ZNF888: variants seen among roughly 807,000 people sequenced by gnomAD.
ZNF888 encodes the protein CTD-2331H12.6.
ZNF888 carries 5 observed loss-of-function variants against 7.2 expected under a neutral mutation model. That is an observed-to-expected ratio of 0.70 (90% CI 0.36 to 1.46). The LOEUF is 1.46. Among genes scored for constraint, ZNF888 ranks in the 40% most tolerant of loss-of-function variants. The pLI is 0.03. For missense variants in ZNF888, 716 were observed against 858.0 expected (o/e 0.83, Z 2.07); for synonymous variants, 240 against 284.3 (o/e 0.84, Z 1.57).
chr19:52,908,201 A>C (rs1427019253), intron 4 of ZNF888, 22 bp from the exon 5 acceptor site: 1 of 1,605,002 alleles, frequency 6.2e-7, no homozygotes, highest in Non-Finnish European at 8.5e-7. Context: ...AAACGCCAAT[A>C]GTTTTCCAAT....
chr19:52,908,252 A>T, intron 4 of ZNF888, 73 bp from the exon 5 acceptor site: 1 of 1,378,556 alleles, frequency 7.3e-7, no homozygotes, highest in Non-Finnish European at 1.0e-6. Context: ...TGTAAATATG[A>T]CACCAAAAAC....
chr19:52,910,296 C>A (rs1223343950), intron 4 of ZNF888, among the ~76,000 whole-genome samples: 2 of 151,774 alleles, frequency 1.3e-5, no homozygotes, highest in African/African-American at 4.8e-5. Context: ...ATGGTGAAAC[C>A]CCATCTCTAC....
intron 4 of ZNF888, among the ~76,000 whole-genome samples, chr19:52,910,720 T>C (rs1345548506): frequency 6.6e-6 from 1 of 152,102 alleles, no homozygotes; most frequent in African/African-American, 2.4e-5. Flanking sequence ...GGAACTTATT[T>C]GGCTGGCACC....
rs7259150 is a variant in ZNF888 at position 52,905,043 on chromosome 19, T to C, written c.*1122A>G. 0.38 allele frequency: 57,672 copies of C among 152,536 alleles called. 14,166 individuals are homozygous for C. The highest frequency in any genetic ancestry group is 0.69 in the African/African-American group (28,512 of 41,404). The allele number at this position is 152,536 out of a possible 1,614,324, so 9.4% of individuals were successfully genotyped here. ...TGAGAAGTTTGTACCTTGAAATCTA[T>C]AAATGTTGATCAAAATGATTAAAAA... On this transcript the variant is annotated 3_prime_UTR_variant, in exon 5 of 5. Transcript: ENST00000638862.
chr19:52,911,571 C>CTCGT (rs1384267628), intron 4 of ZNF888, among the ~76,000 whole-genome samples: 1 of 151,976 alleles, frequency 6.6e-6, no homozygotes, highest in Non-Finnish European at 1.5e-5. Context: ...ATCTCCTGAC[C>CTCGT]TCGTGATCCT....
chr19:52,922,758 C>T (rs578040726), intron 1 of ZNF888, among the ~76,000 whole-genome samples: 2 of 152,316 alleles, frequency 1.3e-5, no homozygotes, highest in African/African-American at 4.8e-5. Context: ...GCCTGCATCC[C>T]AGAGAAGCGC....
chr19:52,915,469 AT>A (rs1278919156), intron 3 of ZNF888, 147 bp from the exon 4 acceptor site: 31 of 682,614 alleles, frequency 4.5e-5, no homozygotes, highest in Non-Finnish European at 5.2e-5. Context: ...CACATGATGT[AT>A]TTTTTTTCTT....
intron 4 of ZNF888, among the ~76,000 whole-genome samples, chr19:52,908,507 A>G (rs1388193516): frequency 6.6e-6 from 1 of 152,214 alleles, no homozygotes; most frequent in African/African-American, 2.4e-5. Flanking sequence ...GTAACAACAA[A>G]AAGAAGAAAA....
At position 52,922,897 on chromosome 19, in the gene ZNF888, C is replaced by T. The variant is rs150446742; in HGVS notation, c.-178+472G>A. ...GGGAGACTTGGGGAGCAACAGGGCC[C>T]GGCATGAGGAGGGAGGTGGGGGGGA... On this transcript the variant is annotated intron_variant, in intron 1 of 4. Transcript: ENST00000638862. Among the ~76,000 whole-genome samples the T allele has an allele frequency of 6.8e-3, 903 of 132,826 alleles. 11 individuals are homozygous for T. The highest frequency in any genetic ancestry group is 0.026 in the African/African-American group (856 of 33,446). The allele number at this position is 132,826 out of a possible 152,430, so 87.1% of individuals were successfully genotyped here.
intron 4 of ZNF888, among the ~76,000 whole-genome samples, chr19:52,911,713 G>T (rs537318133): frequency 2.9e-4 from 44 of 152,302 alleles, no homozygotes; most frequent in Non-Finnish European, 5.1e-4. Context: ...CAACATCACC[G>T]AAGGCTGACA....
rs1975043 is a variant in ZNF888, at chr19:52,923,359, C to T, written c.-178+10G>A. The T allele has an allele frequency of 0.4, 395,031 of 985,576 alleles. 80,399 individuals are homozygous for T. The highest frequency in any genetic ancestry group is 0.42 in the Non-Finnish European group (347,655 of 829,900). 61.1% of individuals were successfully genotyped at this position (985,576 alleles called of 1,614,324 possible). On this transcript the variant is annotated intron_variant, in intron 1 of 4. Transcript: ENST00000638862. ...GGCACAGCCTCAATACAACACAGAG[C>T]AAAACTCACCGCCGCAGTGTGACTT...
At chr19:52,917,378 C>T (rs951023190) in intron 3 of ZNF888, 20 of 292,304 alleles carry the variant, frequency 6.8e-5, no homozygotes, top group African/African-American at 4.2e-4. Context: ...CAGGGTTTCT[C>T]CATGTTGGTC....
rs766565695 is a variant in ZNF888, at chr19:52,906,673, T to C, written c.1649A>G (p.Tyr550Cys). ...ACTTTTGCCACATTCATTACACTTG[T>C]AACGTTTCTCTCCAGTATGAATGAC... is the stretch of plus-strand genomic sequence containing the variant. ...HKVIHTGEKRYKCNECGKSFN... is the reference protein window; with the variant it reads ...HKVIHTGEKRCKCNECGKSFN... Residue 550 changes from tyrosine (Y) to cysteine (C), a missense_variant, in exon 5 of 5, where the codon TAC (tyrosine) becomes TGC (cysteine). Tyr to Cys is a radical substitution (Grantham distance 194, BLOSUM62 -2). Coordinates refer to ENST00000638862, the MANE Select transcript of ZNF888 (RefSeq NM_001393938.1). 85 of 1,613,776 alleles carry C rather than the reference T, an allele frequency of 5.3e-5. No individual in the cohort carries two copies. The highest frequency in any genetic ancestry group is 9.3e-5 in the African/African-American group (7 of 74,916).
intron 1 of ZNF888, among the ~76,000 whole-genome samples, chr19:52,920,533 G>A (rs773221675): frequency 0.33 from 8,212 of 24,620 alleles, 2,576 homozygotes; most frequent in African/African-American, 0.37. Flanking sequence ...AAAAGAAAAG[G>A]AAAAAAAAAA....
Position 52,920,268 on chromosome 19 carries a change from A to G in ZNF888, c.-177-1331T>C, listed in dbSNP as rs1445889424. Among the ~76,000 whole-genome samples the G allele has an allele frequency of 1.1e-4, 7 of 65,128 alleles. 3 individuals carry two copies. Among genetic ancestry groups the G allele is most frequent in the Non-Finnish European group, 2.5e-4 (7 of 27,766 alleles). The allele number at this position is 65,128 out of a possible 152,430, so 42.7% of individuals were successfully genotyped here. A position where few individuals can be genotyped will look rare whatever the true frequency, so the allele number is the denominator to read the frequency against. ...AGAAAGGCGGGAAAGGTGGGGAAAA[A>G]ATTGAGAGGCCGGGTGGTTGCCGGG... On this transcript the variant is annotated intron_variant, in intron 1 of 4. Coordinates refer to ENST00000638862, the MANE Select transcript of ZNF888 (RefSeq NM_001393938.1).
At position 52,906,678 on chromosome 19, in the gene ZNF888, T is replaced by C; in HGVS notation, c.1644A>G (p.Lys548=). Reference sequence around the variant, plus strand: ...TGCCACATTCATTACACTTGTAACGTTTCTCTCCAGTATGAATGACCTTAT... The same window carrying C: ...TGCCACATTCATTACACTTGTAACGCTTCTCTCCAGTATGAATGACCTTAT... ...VMHKVIHTGE[K]RYKCNECGKS... The change falls in exon 5 of 5, where the codon AAA becomes AAG. Residue 548 remains lysine, a synonymous_variant. Coordinates refer to ENST00000638862, the MANE Select transcript of ZNF888 (RefSeq NM_001393938.1). 6.2e-7 allele frequency: 1 copy of C among 1,613,916 alleles called. No individual in the cohort carries two copies. The highest frequency in any genetic ancestry group is 8.5e-7 in the Non-Finnish European group (1 of 1,179,874).
At chr19:52,922,071 T>C (rs1407532225) in intron 1 of ZNF888, among the ~76,000 whole-genome samples, 3 of 152,082 alleles carry the variant, frequency 2.0e-5, no homozygotes, top group Non-Finnish European at 4.4e-5. Flanking sequence ...TCCCAGCACT[T>C]TGGGAGGTCG....
rs751615901 is a variant in ZNF888 at position 52,906,676 on chromosome 19, C to T, written c.1646G>A (p.Arg549His). ...MHKVIHTGEK[R>H]YKCNECGKSF... ...TTTGCCACATTCATTACACTTGTAA[C>T]GTTTCTCTCCAGTATGAATGACCTT... Residue 549 changes from arginine (R) to histidine (H), a missense_variant, in exon 5 of 5, where the codon CGT (arginine) becomes CAT (histidine). By Grantham distance (29) the Arg-to-His change is conservative. Coordinates refer to ENST00000638862, the MANE Select transcript of ZNF888 (RefSeq NM_001393938.1). 2.3e-4 allele frequency: 364 copies of T among 1,612,554 alleles called. 1 individual carries two copies. Among genetic ancestry groups the T allele is most frequent in the African/African-American group, 4.4e-4 (33 of 74,486 alleles).
In ZNF888 at chr19:52,919,974, G is replaced by A. The variant is rs113774133; in HGVS notation, c.-177-1037C>T. Among the ~76,000 whole-genome samples, 83 of 50,498 alleles carry A rather than the reference G, an allele frequency of 1.6e-3. 1 individual carries two copies. Among genetic ancestry groups the A allele is most frequent in the African/African-American group, 6.1e-3 (70 of 11,466 alleles). 33.1% of individuals were successfully genotyped at this position (50,498 alleles called of 152,430 possible). A position where few individuals can be genotyped will look rare whatever the true frequency, so the allele number is the denominator to read the frequency against. ...GCCCCTCTGCCCGGCCAGCCGCCCC[G>A]TCCGGGAGGTGAGGGGCGCCTCTGC... On this transcript the variant is annotated intron_variant, in intron 1 of 4. Transcript: ENST00000638862.
Sources: allele counts gnomAD v4.1 joint callset (sites outside exome capture counted in the v4.1 genomes callset), GRCh38; gene constraint gnomAD v4.1.1; transcripts MANE v1.5; gene names NCBI Gene and HGNC (gene_info 2026-07-23, HGNC 2026-07-21).